ELMO1: variants seen among roughly 807,000 people sequenced by gnomAD.
ELMO1 encodes engulfment and cell motility 1, also known as engulfment and cell motility protein 1.
Under a neutral mutation model 98.9 loss-of-function variants are expected in ELMO1, and 26 were observed. The ratio of observed to expected loss-of-function variants is 0.26; its 90% CI spans 0.19 to 0.36. ELMO1 has a LOEUF of 0.36. ELMO1 is among the 10% of genes least tolerant of loss of function. The pLI is 1.00. For synonymous variants in ELMO1, 346 were observed against 346.0 expected (o/e 1.00, Z 0.00); for missense variants, 627 against 935.2 (o/e 0.67, Z 4.30).
intron 16 of ELMO1, among the ~76,000 whole-genome samples, chr7:36,952,414 G>C (rs964512760): frequency 6.6e-6 from 1 of 152,178 alleles, no homozygotes; most frequent in African/African-American, 2.4e-5. Flanking sequence ...AAGAGCAAGC[G>C]GGGCGGGGAG....
At position 37,113,764 on chromosome 7, in the gene ELMO1, C is replaced by T. The variant is rs191353248; in HGVS notation, c.1192-17037G>A. Among the ~76,000 whole-genome samples, 431 of 152,222 alleles carry T rather than the reference C, an allele frequency of 2.8e-3. 2 individuals are homozygous for T. Among genetic ancestry groups the T allele is most frequent in the South Asian group, 5.6e-3 (27 of 4,818 alleles). ...CAAATGAGGCCATTAGGGTAGGGTC[C>T]GAATCCAGTATGATTGGTGTTCTCA... On this transcript the variant is annotated intron_variant, in intron 14 of 21. Coordinates refer to ENST00000310758, the MANE Select transcript of ELMO1 (RefSeq NM_014800.11).
At chr7:37,226,887 T>C (rs1198938775) in intron 8 of ELMO1, among the ~76,000 whole-genome samples, 1 of 152,076 alleles carries the variant, frequency 6.6e-6, no homozygotes, top group African/African-American at 2.4e-5. Context: ...GAGCTGGAAA[T>C]ACAAAGATGA....
intron 16 of ELMO1, among the ~76,000 whole-genome samples, chr7:36,949,985 A>T (rs1787832499): frequency 6.6e-6 from 1 of 152,182 alleles, no homozygotes; most frequent in Non-Finnish European, 1.5e-5. Flanking sequence ...GATTTAGGTT[A>T]TGGCTCTTTC....
At chr7:37,376,932 A>C (rs913671089) in intron 1 of ELMO1, among the ~76,000 whole-genome samples, 1 of 152,232 alleles carries the variant, frequency 6.6e-6, no homozygotes, top group African/African-American at 2.4e-5. Context: ...AGCATCCCTT[A>C]ATAATCCATT....
rs80165702 is a variant in ELMO1 at position 37,245,670 on chromosome 7, A to G, written c.414-1279T>C. ...GCAGGCCTGAGCATAAATTGGCAGC[A>G]CGCAAGGGCCAGAGGCTACTCTCCA... On this transcript the variant is annotated intron_variant, in intron 6 of 21. Transcript: ENST00000310758. Among the ~76,000 whole-genome samples the G allele has an allele frequency of 6.9e-3, 1,053 of 152,234 alleles. 11 individuals are homozygous for G. Among genetic ancestry groups the G allele is most frequent in the African/African-American group, 0.024 (994 of 41,538 alleles).
chr7:37,252,238 T>A lies in ELMO1; in HGVS notation c.413+6943A>T, dbSNP rs190941018. 5.4e-3 allele frequency among the ~76,000 whole-genome samples: 827 copies of A among 152,266 alleles called. 11 individuals carry two copies. Among genetic ancestry groups the A allele is most frequent in the Non-Finnish European group, 8.7e-3 (594 of 68,022 alleles). On this transcript the variant is annotated intron_variant, in intron 6 of 21. Coordinates refer to ENST00000310758, the MANE Select transcript of ELMO1 (RefSeq NM_014800.11). ...CAGAATTAGAAAAAACTACTTCGAA[T>A]TTCATATGGAACTAAAAAAGAGCCC... is the stretch of plus-strand genomic sequence containing the variant.
chr7:37,213,237 A>G (rs1029728076), intron 12 of ELMO1, 98 bp downstream of exon 12: 1 of 1,457,918 alleles, frequency 6.9e-7, no homozygotes, highest in Admixed American at 2.1e-5. Context: ...ATCATATCAA[A>G]CTCTGAAACT....
intron 14 of ELMO1, chr7:37,116,876 T>C (rs1295555308): frequency 1.5e-5 from 3 of 199,566 alleles, no homozygotes; most frequent in East Asian, 2.4e-4. Flanking sequence ...GGAACGAGTG[T>C]GTGGGCAAGG....
At chr7:37,108,829 C>G (rs568500273) in intron 14 of ELMO1, among the ~76,000 whole-genome samples, 1 of 152,292 alleles carries the variant, frequency 6.6e-6, no homozygotes, top group African/African-American at 2.4e-5. Flanking sequence ...GTGAGGCTGG[C>G]AGTGCCCACA....
chr7:36,883,080 G>A (rs1361517003), intron 18 of ELMO1, among the ~76,000 whole-genome samples: 1 of 152,190 alleles, frequency 6.6e-6, no homozygotes, highest in Non-Finnish European at 1.5e-5. Flanking sequence ...CTTGGCTCTA[G>A]GTCTTCTGAG....
chr7:37,290,844 G>A (rs528425814), intron 4 of ELMO1, among the ~76,000 whole-genome samples: 27 of 132,262 alleles, frequency 2.0e-4, no homozygotes, highest in African/African-American at 6.4e-4. Flanking sequence ...CAGAAGCAGG[G>A]TGATTTTGAT....
At chr7:37,184,092 G>A (rs902087835) in intron 13 of ELMO1, among the ~76,000 whole-genome samples, 6 of 152,084 alleles carry the variant, frequency 3.9e-5, no homozygotes, top group African/African-American at 1.4e-4. Flanking sequence ...TTCAACATCT[G>A]GTTCATCTGA....
chr7:36,893,504 G>A (rs1301076517), intron 17 of ELMO1, among the ~76,000 whole-genome samples: 1 of 152,214 alleles, frequency 6.6e-6, no homozygotes, highest in African/African-American at 2.4e-5. Flanking sequence ...CTAACTTCAT[G>A]CCAACTAGTC....
At chr7:37,149,683 T>C (rs1788231547) in intron 13 of ELMO1, among the ~76,000 whole-genome samples, 1 of 152,164 alleles carries the variant, frequency 6.6e-6, no homozygotes, top group Non-Finnish European at 1.5e-5. Flanking sequence ...AAATATTTAC[T>C]ACCTGGCCCT....
chr7:37,035,007 A>G (rs1795099669), intron 15 of ELMO1, among the ~76,000 whole-genome samples: 1 of 152,206 alleles, frequency 6.6e-6, no homozygotes, highest in African/African-American at 2.4e-5. Context: ...GCATTTGCCC[A>G]GAACCAGTAG....
chr7:36,882,900 T>C (rs1804602496), intron 18 of ELMO1, among the ~76,000 whole-genome samples: 2 of 152,238 alleles, frequency 1.3e-5, no homozygotes, highest in African/African-American at 4.8e-5. Flanking sequence ...TATTGGGAAG[T>C]GCCTTTTTTT....
chr7:37,292,499 T>G, intron 4 of ELMO1, among the ~76,000 whole-genome samples: 1 of 55,310 alleles, frequency 1.8e-5, no homozygotes, highest in Non-Finnish European at 5.2e-5. Context: ...ATCTAGGAAG[T>G]GAGGAGCGCC....
At chr7:37,079,694 T>C (rs1797764420) in intron 15 of ELMO1, among the ~76,000 whole-genome samples, 2 of 152,130 alleles carry the variant, frequency 1.3e-5, no homozygotes, top group South Asian at 4.1e-4. Flanking sequence ...ACCTGCAGCA[T>C]ATGACACTGC....
intron 2 of ELMO1, among the ~76,000 whole-genome samples, chr7:37,333,256 AT>A (rs1232452767): frequency 6.6e-6 from 1 of 152,236 alleles, no homozygotes; most frequent in Non-Finnish European, 1.5e-5. Context: ...ATATTTAGAT[AT>A]CCTGCCACAA....
Sources: allele counts gnomAD v4.1 joint callset (sites outside exome capture counted in the v4.1 genomes callset), GRCh38; gene constraint gnomAD v4.1.1; transcripts MANE v1.5; gene names NCBI Gene and HGNC (gene_info 2026-07-23, HGNC 2026-07-21).